The following PTTG1IP2 variants were observed in gnomAD, a reference collection of about 807,000 sequenced individuals.
PTTG1IP2 encodes PTTG1IP family member 2.
At chr7:90,493,151 C>CG (rs1047093375) in intron 5 of PTTG1IP2, among the ~76,000 whole-genome samples, 16 of 151,916 alleles carry the variant, frequency 1.1e-4, no homozygotes, top group African/African-American at 3.4e-4. Context: ...TTGCAGGGTG[C>CG]GGGGGGGCTT....
chr7:90,484,843 C>T (rs890424480), intron 2 of PTTG1IP2, among the ~76,000 whole-genome samples: 10 of 152,226 alleles, frequency 6.6e-5, no homozygotes, highest in Non-Finnish European at 1.0e-4. Flanking sequence ...CATCTCTCAG[C>T]TCTGCCTCCC....
At chr7:90,472,134 G>A (rs1364268499) in intron 1 of PTTG1IP2, among the ~76,000 whole-genome samples, 1 of 152,070 alleles carries the variant, frequency 6.6e-6, no homozygotes, top group East Asian at 1.9e-4. Context: ...ATGGTAAGGT[G>A]GTTAGGATCT....
At chr7:90,475,411 C>A (rs1797736738) in intron 1 of PTTG1IP2, among the ~76,000 whole-genome samples, 1 of 152,024 alleles carries the variant, frequency 6.6e-6, no homozygotes, top group South Asian at 2.1e-4. Context: ...ATGGAGATAG[C>A]CATGAAACAA....
At chr7:90,479,953 C>T (rs1263900184) in intron 2 of PTTG1IP2, among the ~76,000 whole-genome samples, 1 of 152,194 alleles carries the variant, frequency 6.6e-6, no homozygotes, top group Non-Finnish European at 1.5e-5. Flanking sequence ...CCTGTCTTAT[C>T]TTCCTCTAAA....
intron 6 of PTTG1IP2, among the ~76,000 whole-genome samples, chr7:90,511,551 C>A (rs141968838): frequency 1.6e-3 from 251 of 152,224 alleles, no homozygotes; most frequent in Non-Finnish European, 2.8e-3. Flanking sequence ...TGCACCAATT[C>A]CAGGTATTTA....
intron 6 of PTTG1IP2, among the ~76,000 whole-genome samples, chr7:90,497,859 T>C (rs1458721094): frequency 3.9e-5 from 6 of 152,062 alleles, no homozygotes; most frequent in Admixed American, 3.9e-4. Flanking sequence ...TTATGTCTCC[T>C]TGTTGATCTT....
intron 6 of PTTG1IP2, among the ~76,000 whole-genome samples, chr7:90,506,313 T>G (rs183875275): frequency 3.9e-5 from 6 of 152,310 alleles, no homozygotes; most frequent in African/African-American, 1.4e-4. Context: ...ATAATGACAT[T>G]CAAGTCATGT....
At chr7:90,488,790 C>G (rs1200284858) in intron 3 of PTTG1IP2, 81 bp from the exon 4 acceptor site, 5 of 151,926 alleles carry the variant, frequency 3.3e-5, no homozygotes, top group African/African-American at 1.2e-4. Flanking sequence ...AATCACATTG[C>G]ATGATATTAG....
chr7:90,470,413 T>C (rs1296284381), intron 1 of PTTG1IP2: 1 of 152,238 alleles, frequency 6.6e-6, no homozygotes, highest in African/African-American at 2.4e-5. Context: ...TTAAAAGTCA[T>C]GCTGAGTTAA....
intron 1 of PTTG1IP2, among the ~76,000 whole-genome samples, chr7:90,477,891 A>T (rs1344605502): frequency 6.6e-6 from 1 of 151,908 alleles, no homozygotes; most frequent in South Asian, 2.1e-4. Context: ...AGGTCAGGAG[A>T]TCGAGACCAT....
chr7:90,501,221 G>T (rs910977499), intron 6 of PTTG1IP2, among the ~76,000 whole-genome samples: 1 of 152,132 alleles, frequency 6.6e-6, no homozygotes, highest in Admixed American at 6.5e-5. Context: ...GGCAGGTTTG[G>T]TTCCAGAATG....
At chr7:90,492,722 G>A (rs563061858) in intron 5 of PTTG1IP2, among the ~76,000 whole-genome samples, 6 of 152,184 alleles carry the variant, frequency 3.9e-5, no homozygotes, top group South Asian at 2.1e-4. Context: ...CAACCCAGTC[G>A]GAGATATTCA....
rs553124107 is a variant in PTTG1IP2 at position 90,473,960 on chromosome 7, G to C, written c.145+4029G>C. 6.6e-5 allele frequency among the ~76,000 whole-genome samples: 10 copies of C among 152,328 alleles called. No homozygotes were observed. The East Asian group carries it at 1.7e-3, about 26-fold the overall frequency. ...TGTTATGCACTCAGAACATTTTCTA[G>C]TACATGGTAAGTTTTCAGTAAACAT... On this transcript the variant is annotated intron_variant, in intron 1 of 6. Coordinates refer to ENST00000509356, the MANE Select transcript of PTTG1IP2 (RefSeq NM_001365443.2).
intron 6 of PTTG1IP2, among the ~76,000 whole-genome samples, chr7:90,503,147 C>T (rs1798080336): frequency 6.6e-6 from 1 of 152,170 alleles, no homozygotes; most frequent in African/African-American, 2.4e-5. Flanking sequence ...ATGGAGATGG[C>T]TTCTTTCCTT....
intron 1 of PTTG1IP2, among the ~76,000 whole-genome samples, chr7:90,475,734 G>C (rs1797740943): frequency 6.6e-6 from 1 of 152,166 alleles, no homozygotes; most frequent in African/African-American, 2.4e-5. Context: ...GCCAATGTGG[G>C]TGGATCACGA....
chr7:90,475,158 C>A (rs1797733227), intron 1 of PTTG1IP2, among the ~76,000 whole-genome samples: 1 of 152,176 alleles, frequency 6.6e-6, no homozygotes, highest in Non-Finnish European at 1.5e-5. Flanking sequence ...CTAAGGAACC[C>A]AGGACTAAGA....
At chr7:90,505,852 C>T (rs1259419329) in intron 6 of PTTG1IP2, among the ~76,000 whole-genome samples, 2 of 151,790 alleles carry the variant, frequency 1.3e-5, no homozygotes, top group Non-Finnish European at 2.9e-5. Context: ...GGCGCGGTGG[C>T]GGGCGCCTGT....
In PTTG1IP2 at chr7:90,492,297, C is replaced by A; in HGVS notation, c.439C>A (p.Arg147Ser). The change falls in exon 5 of 7, where the codon CGC becomes AGC. Residue 147 changes from arginine to serine, a missense_variant. By Grantham distance (110) the Arg-to-Ser change is moderately radical. Coordinates refer to ENST00000509356, the MANE Select transcript of PTTG1IP2 (RefSeq NM_001365443.2). ...GRRETVPIHDRSATVYDE is the reference protein window; with the variant it reads ...GRRETVPIHDSSATVYDE ...ACGAGAAACAGTTCCTATTCACGAC[C>A]GCAGTGCTACTGGCAAGTGTTTTCG... 6.6e-6 allele frequency: 1 copy of A among 152,174 alleles called. No individual in the cohort carries two copies. The highest frequency in any genetic ancestry group is 2.1e-4 in the South Asian group (1 of 4,822). The allele number at this position is 152,174 out of a possible 1,614,324, so 9.4% of individuals were successfully genotyped here. A position where few individuals can be genotyped will look rare whatever the true frequency, so the allele number is the denominator to read the frequency against.
intron 2 of PTTG1IP2, among the ~76,000 whole-genome samples, chr7:90,486,757 T>C (rs1370682014): frequency 6.6e-6 from 1 of 152,168 alleles, no homozygotes; most frequent in African/African-American, 2.4e-5. Context: ...TCAGTTCTTA[T>C]TACTACTTTG....
Sources: allele counts gnomAD v4.1 joint callset (sites outside exome capture counted in the v4.1 genomes callset), GRCh38; gene constraint gnomAD v4.1.1; transcripts MANE v1.5; gene names NCBI Gene and HGNC (gene_info 2026-07-23, HGNC 2026-07-21).